The following CLPX variants were observed in gnomAD, a reference collection of about 807,000 sequenced individuals.
CLPX encodes the protein caseinolytic mitochondrial matrix peptidase chaperone subunit X.
In CLPX, 34 loss-of-function variants were observed where a neutral mutation model predicts 76.4. The observed-to-expected ratio is 0.45, with a 90% CI of 0.34 to 0.59. CLPX has a LOEUF of 0.59. Ranked by LOEUF, CLPX falls within the 20% of genes least tolerant of loss-of-function variation. CLPX has a pLI of 0.01. For synonymous variants in CLPX, 248 were observed against 270.9 expected (o/e 0.92, Z 0.83); for missense variants, 613 against 757.0 (o/e 0.81, Z 2.23).
chr15:65,183,409 T>C (rs2088204972), intron 1 of CLPX, among the ~76,000 whole-genome samples: 1 of 134,898 alleles, frequency 7.4e-6, no homozygotes, highest in Non-Finnish European at 1.5e-5. Flanking sequence ...TGCAGTAAAC[T>C]GAGATCTGGC....
At position 65,164,246 on chromosome 15, in the gene CLPX, TAAA is replaced by T. The variant is rs2087884472; in HGVS notation, c.514-61_514-59del. The T allele has an allele frequency of 3.1e-5, 43 of 1,380,250 alleles. No homozygotes were observed. In the South Asian group the frequency reaches 5.6e-4, roughly 18 times the overall value. 85.5% of individuals were successfully genotyped at this position (1,380,250 alleles called of 1,614,324 possible). Reference sequence around the variant, plus strand: ...TGAGCTATTATAAGAGCACACACATTAAAAAGTTATTTACTAAGCATATTTGCT... The same window carrying T: ...TGAGCTATTATAAGAGCACACACATTAAGTTATTTACTAAGCATATTTGCT... On this transcript the variant is annotated intron_variant, in intron 4 of 13. Transcript: ENST00000300107.
chr15:65,179,954 C>A, intron 2 of CLPX, 90 bp downstream of exon 2: 5 of 835,856 alleles, frequency 6.0e-6, no homozygotes, highest in Non-Finnish European at 8.7e-6. Flanking sequence ...CTACAGAAAA[C>A]ATATAAGCCA....
chr15:65,158,540 A>T (rs2087817850), intron 7 of CLPX, 35 bp downstream of exon 7: 1 of 1,543,066 alleles, frequency 6.5e-7, no homozygotes. Flanking sequence ...CTGATTTTTA[A>T]AATGAGTAGT....
At chr15:65,169,896 G>A (rs2087975918) in intron 3 of CLPX, among the ~76,000 whole-genome samples, 1 of 151,912 alleles carries the variant, frequency 6.6e-6, no homozygotes, top group Non-Finnish European at 1.5e-5. Flanking sequence ...AAGTAGCTGG[G>A]ATTACAGGCA....
intron 1 of CLPX, among the ~76,000 whole-genome samples, chr15:65,181,457 A>T (rs2088170073): frequency 6.6e-6 from 1 of 152,140 alleles, no homozygotes; most frequent in Admixed American, 6.6e-5. Context: ...TTACCACAAT[A>T]AAAAAATTGA....
intron 3 of CLPX, among the ~76,000 whole-genome samples, chr15:65,178,403 T>G (rs1163884400): frequency 3.3e-5 from 5 of 152,272 alleles, no homozygotes; most frequent in Non-Finnish European, 5.9e-5. Flanking sequence ...TACACAACAG[T>G]GCAAAGTATT....
rs1226248935 is a variant in CLPX at position 65,179,983 on chromosome 15, A to T, written c.240+61T>A. 2.4e-6 allele frequency: 3 copies of T among 1,253,640 alleles called. No individual in the cohort carries two copies. The South Asian group carries it at 5.2e-5, about 22-fold the overall frequency. The allele number at this position is 1,253,640 out of a possible 1,614,324, so 77.7% of individuals were successfully genotyped here. A position where few individuals can be genotyped will look rare whatever the true frequency, so the allele number is the denominator to read the frequency against. Reference sequence around the variant, plus strand: ...TAAGCCAGTAAGAGACAGTACTGTTATATTTTTTTAAAGGAGGGAACTCAC... The same window carrying T: ...TAAGCCAGTAAGAGACAGTACTGTTTTATTTTTTTAAAGGAGGGAACTCAC... On this transcript the variant is annotated intron_variant, in intron 2 of 13. Coordinates refer to ENST00000300107, the MANE Select transcript of CLPX (RefSeq NM_006660.5).
intron 1 of CLPX, among the ~76,000 whole-genome samples, chr15:65,182,773 C>T (rs531646245): frequency 2.0e-4 from 30 of 152,310 alleles, no homozygotes; most frequent in Non-Finnish European, 7.4e-5. Context: ...CACCAGATTA[C>T]CTGGCAGCAA....
Position 65,150,781 on chromosome 15 carries a change from A to G in CLPX, c.*42T>C, listed in dbSNP as rs1283264383. On this transcript the variant is annotated 3_prime_UTR_variant, in exon 14 of 14. Transcript: ENST00000300107. Reference sequence around the variant, plus strand: ...GTAGAGACAATTATGATCCTAAACAAAAGAAGGAAAAGCTGTATATACAAG... The same window carrying G: ...GTAGAGACAATTATGATCCTAAACAGAAGAAGGAAAAGCTGTATATACAAG... The G allele has an allele frequency of 7.3e-7, 1 of 1,376,014 alleles. No homozygotes were observed. The highest frequency in any genetic ancestry group is 1.0e-6 in the Non-Finnish European group (1 of 974,862). The allele number at this position is 1,376,014 out of a possible 1,614,324, so 85.2% of individuals were successfully genotyped here. A position where few individuals can be genotyped will look rare whatever the true frequency, so the allele number is the denominator to read the frequency against.
rs1465519407 is a variant in CLPX at position 65,155,720 on chromosome 15, C to G, written c.1283G>C (p.Arg428Thr). The G allele has an allele frequency of 6.2e-7, 1 of 1,612,452 alleles. No homozygotes were observed. The highest frequency in any genetic ancestry group is 8.5e-7 in the Non-Finnish European group (1 of 1,179,324). Residue 428 changes from arginine (R) to threonine (T), a missense_variant, in exon 10 of 14, where the codon AGA becomes ACA. Around this residue, in one of 2 missense-constraint regions of CLPX, gnomAD observed 450 missense variants for 638.6 expected, o/e 0.70. Coordinates refer to ENST00000300107, the MANE Select transcript of CLPX (RefSeq NM_006660.5). Reference protein sequence around the residue: ...VASGAFNGLDRIISRRKNEKY... With the variant: ...VASGAFNGLDTIISRRKNEKY... Reference sequence around the variant, plus strand: ...TTCATTTTTCCTCCTGCTGATGATTCTGTCTAAACCATTGAAAGCACCAGA... The same window carrying G: ...TTCATTTTTCCTCCTGCTGATGATTGTGTCTAAACCATTGAAAGCACCAGA...
At chr15:65,153,960 G>C (rs1437399338) in intron 11 of CLPX, among the ~76,000 whole-genome samples, 1 of 152,190 alleles carries the variant, frequency 6.6e-6, no homozygotes, top group Non-Finnish European at 1.5e-5. Flanking sequence ...TGTGATGACA[G>C]ATGACAGATT....
chr15:65,173,309 G>A (rs2088037623), intron 3 of CLPX, among the ~76,000 whole-genome samples: 1 of 149,210 alleles, frequency 6.7e-6, no homozygotes, highest in South Asian at 2.1e-4. Flanking sequence ...GGAGGTTGCA[G>A]TGAGCCGAGA....
chr15:65,151,859 T>C (rs2087724901), intron 13 of CLPX, among the ~76,000 whole-genome samples: 3 of 152,194 alleles, frequency 2.0e-5, no homozygotes, highest in African/African-American at 4.8e-5. Context: ...AAGCATTGCA[T>C]AGTAAACATT....
In CLPX at chr15:65,163,901, G is replaced by A. The variant is rs942424335; in HGVS notation, c.673+128C>T. ...AATGATTTCATAACACACTAATGGG[G>A]AATAACCTGCACTTTGAAAAATGCC... is the stretch of plus-strand genomic sequence containing the variant. On this transcript the variant is annotated intron_variant, in intron 5 of 13. Coordinates refer to ENST00000300107, the MANE Select transcript of CLPX (RefSeq NM_006660.5). 4 of 852,814 alleles carry A rather than the reference G, an allele frequency of 4.7e-6. No individual in the cohort carries two copies. In the African/African-American group the frequency reaches 6.8e-5, roughly 15 times the overall value. The allele number at this position is 852,814 out of a possible 1,614,324, so 52.8% of individuals were successfully genotyped here. A position where few individuals can be genotyped will look rare whatever the true frequency, so the allele number is the denominator to read the frequency against.
chr15:65,177,686 T>A (rs2088107060), intron 3 of CLPX, among the ~76,000 whole-genome samples: 1 of 152,228 alleles, frequency 6.6e-6, no homozygotes, highest in Admixed American at 6.5e-5. Flanking sequence ...CTCTAAATTA[T>A]GTTAAGTAAT....
chr15:65,156,707 C>A, intron 9 of CLPX, 137 bp downstream of exon 9: 1 of 504,516 alleles, frequency 2.0e-6, no homozygotes, highest in Admixed American at 3.8e-5. Flanking sequence ...TAAACTACTT[C>A]AAAATGATAT....
intron 3 of CLPX, among the ~76,000 whole-genome samples, chr15:65,171,999 T>C (rs1431438672): frequency 6.6e-6 from 1 of 152,218 alleles, no homozygotes; most frequent in African/African-American, 2.4e-5. Context: ...CTTTTTTGTT[T>C]TGTTTTGTTT....
chr15:65,165,937 A>T (rs1057345002), intron 4 of CLPX, among the ~76,000 whole-genome samples: 2 of 152,242 alleles, frequency 1.3e-5, no homozygotes, highest in Admixed American at 6.5e-5. Flanking sequence ...ACACTGAGGC[A>T]GTGAGAAATA....
At chr15:65,167,139 C>T (rs529269323) in intron 3 of CLPX, among the ~76,000 whole-genome samples, 1,694 of 151,566 alleles carry the variant, frequency 0.011, 14 homozygotes, top group Non-Finnish European at 0.02. Context: ...GGTGTGATCT[C>T]GGCTCACTGC....
Sources: allele counts gnomAD v4.1 joint callset (sites outside exome capture counted in the v4.1 genomes callset), GRCh38; gene constraint gnomAD v4.1.1; regional missense constraint gnomAD v4.1.1; transcripts MANE v1.5; gene names NCBI Gene and HGNC (gene_info 2026-07-23, HGNC 2026-07-21).